The following CRACR2B variants were observed in gnomAD, a reference collection of about 807,000 sequenced individuals.
CRACR2B encodes the protein calcium release activated channel regulator 2B.
Under a neutral mutation model 46.0 loss-of-function variants are expected in CRACR2B, and 50 were observed. The ratio of observed to expected loss-of-function variants is 1.09; its 90% CI spans 0.87 to 1.38. CRACR2B has a LOEUF of 1.38. Ranked by LOEUF, CRACR2B falls within the 40% of genes most tolerant of loss-of-function variation. The pLI is 0.00. For synonymous variants in CRACR2B, 277 were observed against 239.6 expected (o/e 1.16, Z -1.44); for missense variants, 667 against 535.0 (o/e 1.25, Z -2.43).
At chr11:830,738 C>A in intron 6 of CRACR2B, 25 bp downstream of exon 6, 1 of 1,511,722 alleles carries the variant, frequency 6.6e-7, no homozygotes, top group Non-Finnish European at 8.8e-7. Flanking sequence ...CCTGCCCTGT[C>A]CCCACGGTCA....
Position 831,849 on chromosome 11 carries a change from G to C in CRACR2B, c.*140G>C. 1 of 1,102,522 alleles carries C rather than the reference G, an allele frequency of 9.1e-7. No homozygotes were observed. Among genetic ancestry groups the C allele is most frequent in the South Asian group, 1.9e-5 (1 of 53,964 alleles). 68.3% of individuals were successfully genotyped at this position (1,102,522 alleles called of 1,614,324 possible). A position where few individuals can be genotyped will look rare whatever the true frequency, so the allele number is the denominator to read the frequency against. On this transcript the variant is annotated 3_prime_UTR_variant, in exon 9 of 9. Transcript: ENST00000525077. ...CCTGACTGAAGACATGAAGGACCTA[G>C]CCTAGGAGTGGTCAGGGTCCCGGGA... is the stretch of plus-strand genomic sequence containing the variant.
At chr11:826,882 T>G (rs781435687), upstream of CRACR2B, among the ~76,000 whole-genome samples, 2 of 152,216 alleles carry the variant, frequency 1.3e-5, no homozygotes, top group Non-Finnish European at 2.9e-5. Context: ...CCCCTAGAGA[T>G]AACCGCTGAA....
At position 828,651 on chromosome 11, in the gene CRACR2B, A is replaced by G. The variant is rs764005845; in HGVS notation, c.44A>G (p.Glu15Gly). ...CCTGGGGCTGATGAGGCCCAGGAGG[A>G]GGAGGGGGAACTCGAGGGGGGCTCT... ...GKPGADEAQE[E>G]EGELEGGSAG... The change falls in exon 1 of 9, where the codon GAG becomes GGG. Residue 15 changes from glutamate to glycine, a missense_variant. Physicochemically the swap from Glu to Gly is moderately conservative, Grantham distance 98. Coordinates refer to ENST00000525077, the MANE Select transcript of CRACR2B (RefSeq NM_001286606.2). The G allele has an allele frequency of 2.5e-6, 4 of 1,607,246 alleles. No homozygotes were observed. Among genetic ancestry groups the G allele is most frequent in the Non-Finnish European group, 3.4e-6 (4 of 1,178,240 alleles).
chr11:830,777 G>A (rs947397035), intron 6 of CRACR2B, 64 bp downstream of exon 6: 12 of 1,482,882 alleles, frequency 8.1e-6, no homozygotes, highest in Non-Finnish European at 1.1e-5. Context: ...GTGCCTTAGC[G>A]TCCCCGGGTT....
In CRACR2B at chr11:831,249, A is replaced by G. The variant is rs781410525; in HGVS notation, c.979A>G (p.Met327Val). Residue 327 changes from methionine (M) to valine (V), a missense_variant, in exon 8 of 9, where the codon ATG (methionine) becomes GTG (valine). Coordinates refer to ENST00000525077, the MANE Select transcript of CRACR2B (RefSeq NM_001286606.2). ...QRDVVAVSRN[M>V]QKEKVSLLRQ... ...AGACGTGGTCGCCGTCTCCAGGAAC[A>G]TGCAGAAAGAGAAAGTCAGCCTGCT... The G allele has an allele frequency of 1.2e-6, 2 of 1,610,914 alleles. No individual in the cohort carries two copies. The highest frequency in any genetic ancestry group is 3.4e-5 in the Admixed American group (2 of 59,074).
In CRACR2B at chr11:830,668, G is replaced by T. The variant is rs750281226; in HGVS notation, c.741G>T (p.Gln247His). The T allele has an allele frequency of 6.5e-7, 1 of 1,547,314 alleles. No homozygotes were observed. Among genetic ancestry groups the T allele is most frequent in the East Asian group, 2.4e-5 (1 of 40,878 alleles). Residue 247 changes from glutamine to histidine, a missense_variant, in exon 6 of 9, where the codon CAG (glutamine) becomes CAT (histidine). By Grantham distance (24) the Gln-to-His change is conservative (BLOSUM62 0). Coordinates refer to ENST00000525077, the MANE Select transcript of CRACR2B (RefSeq NM_001286606.2). ...ERRSRLELEL[Q>H]SREQDLERAG... Reference sequence around the variant, plus strand: ...GAAGCCGTCTGGAGCTGGAGCTGCAGAGCCGCGAGCAGGACCTGGAACGCG... The same window carrying T: ...GAAGCCGTCTGGAGCTGGAGCTGCATAGCCGCGAGCAGGACCTGGAACGCG...
In CRACR2B at chr11:831,728, C is replaced by G; in HGVS notation, c.*19C>G. On this transcript the variant is annotated 3_prime_UTR_variant, in exon 9 of 9. Transcript: ENST00000525077. The stretch of plus-strand genomic sequence containing the variant: ...CCGGTGACCAGCCCCGAGTGACTCA[C>G]GGACCATGAGCTAGAAGCTGCCCTT... 1 of 1,488,630 alleles carries G rather than the reference C, an allele frequency of 6.7e-7. No homozygotes were observed. Among genetic ancestry groups the G allele is most frequent in the Non-Finnish European group, 8.8e-7 (1 of 1,130,308 alleles). 92.2% of individuals were successfully genotyped at this position (1,488,630 alleles called of 1,614,324 possible).
At position 831,250 on chromosome 11, in the gene CRACR2B, T is replaced by A. The variant is rs199501864; in HGVS notation, c.980T>A (p.Met327Lys). 5.0e-6 allele frequency: 8 copies of A among 1,610,852 alleles called. No homozygotes were observed. Among genetic ancestry groups the A allele is most frequent in the South Asian group, 1.1e-5 (1 of 91,042 alleles). ...QRDVVAVSRN[M>K]QKEKVSLLRQ... is the part of the protein sequence containing the mutation. ...GACGTGGTCGCCGTCTCCAGGAACA[T>A]GCAGAAAGAGAAAGTCAGCCTGCTA... Residue 327 changes from methionine to lysine, a missense_variant, in exon 8 of 9, where the codon ATG (methionine) becomes AAG (lysine). Physicochemically the swap from Met to Lys is moderately conservative, Grantham distance 95. Transcript: ENST00000525077.
At chr11:829,035 C>T (rs765762554) in intron 2 of CRACR2B, 72 bp downstream of exon 2, 26 of 1,567,472 alleles carry the variant, frequency 1.7e-5, no homozygotes, top group African/African-American at 4.0e-5. Flanking sequence ...GCACTTGTGG[C>T]GCCCTGAGGG....
At chr11:827,029 C>CG (rs11340204), upstream of CRACR2B, among the ~76,000 whole-genome samples, 3 of 152,130 alleles carry the variant, frequency 2.0e-5, no homozygotes, top group African/African-American at 4.8e-5. Flanking sequence ...GTCCCTGCTC[C>CG]GGGGGGTCCC....
Position 830,304 on chromosome 11 carries a change from G to A in CRACR2B, c.660G>A (p.Gln220=), listed in dbSNP as rs773534255. 6 of 1,534,288 alleles carry A rather than the reference G, an allele frequency of 3.9e-6. No homozygotes were observed. The highest frequency in any genetic ancestry group is 5.2e-6 in the Non-Finnish European group (6 of 1,143,226). Residue 220 remains glutamine, a synonymous_variant, in exon 5 of 9, where the codon CAG becomes CAA. Transcript: ENST00000525077. The part of the protein sequence containing the change: ...EVRALYEETE[Q]LREQSRRPPS... ...GCGCTCTGTACGAGGAGACGGAGCA[G>A]CTTCGGGAGCAGAGCCGGCGCCCGC...
In CRACR2B at chr11:829,529, G is replaced by A. The variant is rs766203109; in HGVS notation, c.447G>A (p.Pro149=). 5.7e-6 allele frequency: 9 copies of A among 1,588,158 alleles called. No homozygotes were observed. Among genetic ancestry groups the A allele is most frequent in the Non-Finnish European group, 7.7e-6 (9 of 1,169,818 alleles). ...HTVLEQLGVA[P]VLGKQRAVRT... is the part of the protein sequence containing the mutation. Reference sequence around the variant, plus strand: ...TGCTGGAGCAGCTGGGGGTGGCCCCGGTCCTGGGCAAGTGAGTCGGCGCTG... The same window carrying A: ...TGCTGGAGCAGCTGGGGGTGGCCCCAGTCCTGGGCAAGTGAGTCGGCGCTG... Residue 149 remains proline, a synonymous_variant, in exon 3 of 9, where the codon CCG becomes CCA. Coordinates refer to ENST00000525077, the MANE Select transcript of CRACR2B (RefSeq NM_001286606.2).
At position 831,277 on chromosome 11, in the gene CRACR2B, G is replaced by A. The variant is rs759777966; in HGVS notation, c.1007G>A (p.Arg336Gln). Residue 336 changes from arginine (R) to glutamine (Q), a missense_variant, in exon 8 of 9, where the codon CGG becomes CAG. Physicochemically the swap from Arg to Gln is conservative, Grantham distance 43. Transcript: ENST00000525077. ...NMQKEKVSLL[R>Q]QLELLRELNT... is the part of the protein sequence containing the mutation. ...CAGAAAGAGAAAGTCAGCCTGCTAC[G>A]GCAACTGGAGCTGCTCAGGTACGGT... 1.9e-6 allele frequency: 3 copies of A among 1,611,320 alleles called. No homozygotes were observed. The highest frequency in any genetic ancestry group is 2.5e-6 in the Non-Finnish European group (3 of 1,179,440).
chr11:828,769 G>A lies in CRACR2B; in HGVS notation c.162G>A (p.Leu54=). ...AGGGCTTCATCACCAAGCACGACCT[G>A]CAGGTGAGTCCCCCACCCCAAGAGA... ...EAKGFITKHD[L]QGLQSDLPLT... The change falls in exon 1 of 9, where the codon CTG becomes CTA. Residue 54 remains leucine, a synonymous_variant. Coordinates refer to ENST00000525077, the MANE Select transcript of CRACR2B (RefSeq NM_001286606.2). 6.2e-7 allele frequency: 1 copy of A among 1,613,430 alleles called. No individual in the cohort carries two copies. The highest frequency in any genetic ancestry group is 8.5e-7 in the Non-Finnish European group (1 of 1,179,872).
chr11:827,515 A>C (rs1845989430), upstream of CRACR2B: 2 of 980,228 alleles, frequency 2.0e-6, no homozygotes, highest in Non-Finnish European at 2.4e-6. Flanking sequence ...TGGCCGCCCC[A>C]CCCCACCAGC....
intron 2 of CRACR2B, 127 bp downstream of exon 2, chr11:829,090 T>C: frequency 7.3e-7 from 1 of 1,370,418 alleles, no homozygotes; most frequent in Non-Finnish European, 1.0e-6. Context: ...CCGTGCTTTG[T>C]CTGCACGCAC....
intron 3 of CRACR2B, chr11:829,742 C>A: frequency 9.9e-7 from 1 of 1,005,886 alleles, no homozygotes; most frequent in Non-Finnish European, 1.4e-6. Flanking sequence ...GCAGCCAGGG[C>A]TGCAGGGAGG....
chr11:831,574 C>A lies in CRACR2B; in HGVS notation c.1065C>A (p.Cys355Ter). Reference protein sequence around the residue: ...NTRLRDDRDACEARRAGSSCR... With the variant: ...NTRLRDDRDA ...GGCTGCGGGATGACAGGGACGCCTG[C>A]GAGGCCAGGCGGGCGGGCAGCAGCT... Residue 355 changes from cysteine (C) to a stop codon, truncating the protein, a stop_gained, in exon 9 of 9, where the codon TGC (cysteine) becomes TGA (stop). Transcript: ENST00000525077. LOFTEE classifies it low-confidence loss of function (END_TRUNC). 1 of 1,596,488 alleles carries A rather than the reference C, an allele frequency of 6.3e-7. No individual in the cohort carries two copies.
chr11:831,955 A>C lies in CRACR2B; in HGVS notation c.*246A>C, dbSNP rs1252034754. ...CAACCCCATCTCAGTTCAGCAGAAA[A>C]CCCCCTCGTCAAATAAAACCCACTG... On this transcript the variant is annotated 3_prime_UTR_variant, in exon 9 of 9. Coordinates refer to ENST00000525077, the MANE Select transcript of CRACR2B (RefSeq NM_001286606.2). 14 of 468,708 alleles carry C rather than the reference A, an allele frequency of 3.0e-5. No homozygotes were observed. Among genetic ancestry groups the C allele is most frequent in the South Asian group, 1.3e-4 (3 of 23,918 alleles). The allele number at this position is 468,708 out of a possible 1,614,324, so 29.0% of individuals were successfully genotyped here. A position where few individuals can be genotyped will look rare whatever the true frequency, so the allele number is the denominator to read the frequency against.
Sources: gnomAD v4.1 joint callset for allele counts (sites outside exome capture counted in the v4.1 genomes callset) on GRCh38, gnomAD v4.1.1 for gene constraint, MANE v1.5 for transcripts, NCBI Gene and HGNC (gene_info 2026-07-23, HGNC 2026-07-21) for gene names.